Variants in EPHA5 observed in about 807,000 individuals in gnomAD.
EPHA5 encodes the protein ephrin type-A receptor 5.
A neutral mutation model predicts 105.0 loss-of-function variants in EPHA5; 60 were observed. The ratio of observed to expected loss-of-function variants is 0.57; its 90% CI spans 0.46 to 0.71. The LOEUF (loss-of-function observed/expected upper bound fraction) is 0.71, where lower values mean the gene tolerates loss of function less well. Among genes scored for constraint, EPHA5 ranks in the 30% least tolerant of loss-of-function variants. EPHA5 has a pLI of 0.00. For synonymous variants in EPHA5, 513 were observed against 449.1 expected, an observed-to-expected ratio of 1.14 and a Z score of -1.80; for missense variants, 1,218 against 1,274.7, an observed-to-expected ratio of 0.96 and a Z score of 0.68.
intron 6 of EPHA5, among the ~76,000 whole-genome samples, chr4:65,418,562 C>A (rs186852225): frequency 7.0e-4 from 107 of 152,218 alleles, no homozygotes; most frequent in Non-Finnish European, 1.1e-3. Flanking sequence ...TATGTGTCAT[C>A]ATTTATGTTT....
At chr4:65,510,007 T>C (rs888667344) in intron 3 of EPHA5, among the ~76,000 whole-genome samples, 29 of 151,414 alleles carry the variant, frequency 1.9e-4, no homozygotes, top group African/African-American at 6.5e-4. Flanking sequence ...GTCTATTCTA[T>C]GCAATTTCAG....
chr4:65,373,921 G>T (rs1466013607), intron 8 of EPHA5, among the ~76,000 whole-genome samples: 1 of 151,788 alleles, frequency 6.6e-6, no homozygotes, highest in African/African-American at 2.4e-5. Flanking sequence ...GCAAGAAATG[G>T]CTACTTTGGG....
At chr4:65,527,740 C>T (rs11946043) in intron 3 of EPHA5, among the ~76,000 whole-genome samples, 40,448 of 151,814 alleles carry the variant, frequency 0.27, 5,575 homozygotes, top group Admixed American at 0.31. Context: ...GTTTGTTACA[C>T]AGGTAAACTT....
intron 3 of EPHA5, among the ~76,000 whole-genome samples, chr4:65,522,334 A>ATAT (rs1560643533): frequency 1.3e-5 from 2 of 149,922 alleles, no homozygotes; most frequent in African/African-American, 2.5e-5. Flanking sequence ...ATATATATAT[A>ATAT]AAATCAACAG....
intron 1 of EPHA5, among the ~76,000 whole-genome samples, chr4:65,656,655 C>G (rs1293836384): frequency 2.0e-5 from 3 of 148,424 alleles, no homozygotes; most frequent in African/African-American, 7.4e-5. Context: ...CCTCTGTTGC[C>G]CAAGCTGAAG....
At chr4:65,445,527 G>A (rs370017790) in intron 5 of EPHA5, among the ~76,000 whole-genome samples, 1 of 152,114 alleles carries the variant, frequency 6.6e-6, no homozygotes, top group African/African-American at 2.4e-5. Flanking sequence ...AGGACTGTGA[G>A]CATTATAAAG....
chr4:65,422,404 T>C (rs1007758034), intron 5 of EPHA5, among the ~76,000 whole-genome samples: 1 of 152,110 alleles, frequency 6.6e-6, no homozygotes, highest in Non-Finnish European at 1.5e-5. Flanking sequence ...GCATGCTCAA[T>C]TTATCTTATT....
intron 5 of EPHA5, among the ~76,000 whole-genome samples, chr4:65,468,692 AAT>A (rs573097334): frequency 9.4e-5 from 13 of 139,036 alleles, no homozygotes; most frequent in Middle Eastern, 3.7e-3. Flanking sequence ...ATATATATAA[AAT>A]ATATATATAT....
At chr4:65,616,352 A>G (rs1745236318) in intron 2 of EPHA5, among the ~76,000 whole-genome samples, 1 of 151,456 alleles carries the variant, frequency 6.6e-6, no homozygotes, top group Non-Finnish European at 1.5e-5. Context: ...ATCTTGTGGC[A>G]TTGTCTCTGT....
intron 5 of EPHA5, among the ~76,000 whole-genome samples, chr4:65,450,380 T>C (rs1158179467): frequency 6.6e-6 from 1 of 152,114 alleles, no homozygotes; most frequent in Non-Finnish European, 1.5e-5. Context: ...AAAAATACTA[T>C]AGTTAAAAGT....
At chr4:65,640,786 C>T (rs1747595152) in intron 2 of EPHA5, among the ~76,000 whole-genome samples, 1 of 152,156 alleles carries the variant, frequency 6.6e-6, no homozygotes, top group Admixed American at 6.5e-5. Context: ...TTAGGTCTTT[C>T]TCAGGTCTTT....
intron 3 of EPHA5, among the ~76,000 whole-genome samples, chr4:65,525,459 G>A (rs979503193): frequency 1.3e-5 from 2 of 151,484 alleles, no homozygotes; most frequent in African/African-American, 2.4e-5. Flanking sequence ...TTTTTCCCCT[G>A]TCTACAGTGG....
chr4:65,545,499 A>T (rs903358962), intron 3 of EPHA5, among the ~76,000 whole-genome samples: 3 of 151,950 alleles, frequency 2.0e-5, no homozygotes, highest in African/African-American at 7.2e-5. Context: ...GAAAATTGTT[A>T]TGGTTATTTT....
At chr4:65,642,102 A>G (rs1037457414) in intron 2 of EPHA5, among the ~76,000 whole-genome samples, 1 of 152,128 alleles carries the variant, frequency 6.6e-6, no homozygotes, top group African/African-American at 2.4e-5. Flanking sequence ...TTCAAAGAGA[A>G]TATCTCATAT....
At chr4:65,596,329 C>G (rs2149426594) in intron 3 of EPHA5, among the ~76,000 whole-genome samples, 1 of 152,174 alleles carries the variant, frequency 6.6e-6, no homozygotes, top group African/African-American at 2.4e-5. Flanking sequence ...GGGTGTCCTA[C>G]TGCGTCTAGA....
chr4:65,485,631 G>C (rs1730808246), intron 5 of EPHA5, among the ~76,000 whole-genome samples: 1 of 152,046 alleles, frequency 6.6e-6, no homozygotes, highest in Non-Finnish European at 1.5e-5. Context: ...CGCTTCTATA[G>C]ACTATCAGCC....
chr4:65,371,365 A>G (rs1718452327), intron 8 of EPHA5, among the ~76,000 whole-genome samples: 2 of 152,226 alleles, frequency 1.3e-5, no homozygotes, highest in East Asian at 1.9e-4. Flanking sequence ...ATATATAAAT[A>G]TACCAATGAC....
chr4:65,367,487 A>G lies in EPHA5; in HGVS notation c.1794-63T>C. On this transcript the variant is annotated intron_variant, in intron 8 of 16. Transcript: ENST00000613740. Reference sequence around the variant, plus strand: ...GTGGTGAATCAGTCACATCAAGCCCAGAAGCATGAAGCACAACTGAAATTA... The same window carrying G: ...GTGGTGAATCAGTCACATCAAGCCCGGAAGCATGAAGCACAACTGAAATTA... 6.9e-6 allele frequency: 10 copies of G among 1,454,054 alleles called. 1 individual carries two copies. Among genetic ancestry groups the G allele is most frequent in the East Asian group, 2.3e-5 (1 of 43,888 alleles). 90.1% of individuals were successfully genotyped at this position (1,454,054 alleles called of 1,614,324 possible).
At chr4:65,584,509 T>C (rs1741932522) in intron 3 of EPHA5, among the ~76,000 whole-genome samples, 1 of 151,878 alleles carries the variant, frequency 6.6e-6, no homozygotes, top group Non-Finnish European at 1.5e-5. Flanking sequence ...TGACAAAGCA[T>C]AACCTAAACA....
Sources: allele counts gnomAD v4.1 joint callset (sites outside exome capture counted in the v4.1 genomes callset), GRCh38; gene constraint gnomAD v4.1.1; transcripts MANE v1.5; gene names NCBI Gene and HGNC (gene_info 2026-07-23, HGNC 2026-07-21).